The following KCNJ5 variants were observed in gnomAD, a reference collection of about 807,000 sequenced individuals.
KCNJ5 encodes the protein G protein-activated inward rectifier potassium channel 4.
Under a neutral mutation model 20.2 loss-of-function variants are expected in KCNJ5, and 12 were observed. The ratio of observed to expected loss-of-function variants is 0.59; its 90% CI spans 0.38 to 0.96. The LOEUF is 0.96. Ranked by LOEUF, KCNJ5 falls within the 40% of genes least tolerant of loss-of-function variation. The pLI, the probability that KCNJ5 is intolerant of heterozygous loss-of-function variation, is 0.00. For synonymous variants in KCNJ5, 210 were observed against 213.9 expected (o/e 0.98, Z 0.16); for missense variants, 449 against 557.6 (o/e 0.81, Z 1.96).
intron 1 of KCNJ5, chr11:128,905,587 CG>C (rs1447377764): frequency 6.6e-6 from 1 of 152,560 alleles, no homozygotes; most frequent in African/African-American, 2.4e-5. Flanking sequence ...CAAGAGATGG[CG>C]GGGTGGCGGG....
chr11:128,896,653 C>T (rs1174706045), intron 1 of KCNJ5, among the ~76,000 whole-genome samples: 2 of 151,420 alleles, frequency 1.3e-5, no homozygotes, highest in Non-Finnish European at 1.5e-5. Context: ...TGCTGAGTAG[C>T]GGGAATGTAC....
chr11:128,913,600 G>T (rs1468648078), intron 2 of KCNJ5, among the ~76,000 whole-genome samples: 4 of 146,816 alleles, frequency 2.7e-5, no homozygotes, highest in African/African-American at 1.0e-4. Context: ...TTTCAACCAG[G>T]TACAATGAGC....
rs746793322 is a variant in KCNJ5 at position 128,911,328 on chromosome 11, C to T, written c.55C>T (p.Pro19Ser). 2.5e-6 allele frequency: 4 copies of T among 1,614,174 alleles called. No homozygotes were observed. In the South Asian group the frequency reaches 4.4e-5, roughly 18 times the overall value. ...CCAGGACATGGAGATTGGAGTCACT[C>T]CCTGGGACCCCAAGAAGATTCCAAA... ...MNQDMEIGVT[P>S]WDPKKIPKQA... is the part of the protein sequence containing the mutation. Residue 19 changes from proline to serine, a missense_variant, in exon 2 of 3, where the codon CCC (proline) becomes TCC (serine). This residue lies in a region of KCNJ5 where 203 missense variants were observed against 258.0 expected (regional missense o/e 0.79). Coordinates refer to ENST00000529694, the MANE Select transcript of KCNJ5 (RefSeq NM_000890.5). The surrounding 1 kb of genome is among the most constrained non-coding windows in gnomAD (Gnocchi z 6.3).
chr11:128,892,386 C>T (rs1944108229), intron 1 of KCNJ5, among the ~76,000 whole-genome samples: 1 of 152,190 alleles, frequency 6.6e-6, no homozygotes, highest in Non-Finnish European at 1.5e-5. Flanking sequence ...TGTTGGCCCC[C>T]TGGTTTTATC....
At position 128,916,631 on chromosome 11, in the gene KCNJ5, G is replaced by A. The variant is rs761157803; in HGVS notation, c.1160G>A (p.Gly387Glu). The A allele has an allele frequency of 3.7e-6, 6 of 1,613,820 alleles. No individual in the cohort carries two copies. The highest frequency in any genetic ancestry group is 2.2e-5 in the South Asian group (2 of 91,078). Reference protein sequence around the residue: ...LQYLPSPPLLGGCAEAGLDAE... With the variant: ...LQYLPSPPLLEGCAEAGLDAE... ...TACCTCCCCAGCCCCCCACTGCTGG[G>A]GGGCTGTGCTGAGGCAGGGCTGGAT... The change falls in exon 3 of 3, where the codon GGG (glycine) becomes GAG (glutamate). Residue 387 changes from glycine to glutamate, a missense_variant. By Grantham distance (98) the Gly-to-Glu change is moderately conservative. Transcript: ENST00000529694.
intron 1 of KCNJ5, among the ~76,000 whole-genome samples, chr11:128,895,630 T>C (rs1020038108): frequency 6.6e-6 from 1 of 152,248 alleles, no homozygotes; most frequent in Admixed American, 6.5e-5. Flanking sequence ...AGGGAGCTCC[T>C]AACACAGGCC....
At position 128,911,785 on chromosome 11, in the gene KCNJ5, A is replaced by C. The variant is rs770128286; in HGVS notation, c.512A>C (p.Gln171Pro). 1 of 1,614,218 alleles carries C rather than the reference A, an allele frequency of 6.2e-7. No individual in the cohort carries two copies. Among genetic ancestry groups the C allele is most frequent in the Non-Finnish European group, 8.5e-7 (1 of 1,180,040 alleles). ...GAGGGGATTATACTCCTCTTGGTCCAGGCCATCCTGGGCTCCATCGTCAAT... is the reference window on the plus strand; with the variant it reads ...GAGGGGATTATACTCCTCTTGGTCCCGGCCATCCTGGGCTCCATCGTCAAT... ...CPEGIILLLV[Q>P]AILGSIVNAF... is the part of the protein sequence containing the mutation. Residue 171 changes from glutamine to proline, a missense_variant, in exon 2 of 3, where the codon CAG becomes CCG. Physicochemically the swap from Gln to Pro is moderately conservative, Grantham distance 76 (BLOSUM62 -1). Coordinates refer to ENST00000529694, the MANE Select transcript of KCNJ5 (RefSeq NM_000890.5). The surrounding 1 kb of genome is among the most constrained non-coding windows in gnomAD (Gnocchi z 6.3).
intron 1 of KCNJ5, among the ~76,000 whole-genome samples, chr11:128,909,407 C>T (rs1385062364): frequency 6.6e-6 from 1 of 152,236 alleles, no homozygotes; most frequent in African/African-American, 2.4e-5. Flanking sequence ...AAGAAGAAAT[C>T]ACCAAGTTCC....
Position 128,912,313 on chromosome 11 carries a change from G to A in KCNJ5, c.937+103G>A, listed in dbSNP as rs118097936. ...GCAGGTCTGTGCCTGAGAGTCCTGG[G>A]GTGGCGCAGGCAACACATTCAATCC... On this transcript the variant is annotated intron_variant, in intron 2 of 2. Coordinates refer to ENST00000529694, the MANE Select transcript of KCNJ5 (RefSeq NM_000890.5). 1,484 of 939,434 alleles carry A rather than the reference G, an allele frequency of 1.6e-3. 12 individuals are homozygous for A. The East Asian group carries it at 0.016, about 10-fold the overall frequency. The allele number at this position is 939,434 out of a possible 1,614,324, so 58.2% of individuals were successfully genotyped here.
chr11:128,905,827 C>G (rs1218492651), intron 1 of KCNJ5: 1 of 152,222 alleles, frequency 6.6e-6, no homozygotes. Context: ...CTAGGCATGC[C>G]CTCATCTAGA....
intron 2 of KCNJ5, 22 bp downstream of exon 2, chr11:128,912,232 A>G: frequency 6.3e-7 from 1 of 1,580,408 alleles, no homozygotes; most frequent in Non-Finnish European, 8.6e-7. Flanking sequence ...TGTCCTCCTC[A>G]GCCACAGGTG....
At position 128,916,588 on chromosome 11, in the gene KCNJ5, G is replaced by A; in HGVS notation, c.1117G>A (p.Glu373Lys). ...CAKELAEMKR[E>K]GRLLQYLPSP... is the part of the protein sequence containing the mutation. ...CAAGGAGCTGGCAGAAATGAAGAGG[G>A]AAGGCCGGCTCCTCCAGTACCTCCC... Residue 373 changes from glutamate to lysine, a missense_variant, in exon 3 of 3, where the codon GAA becomes AAA. Glu to Lys is a moderately conservative substitution (Grantham distance 56). Coordinates refer to ENST00000529694, the MANE Select transcript of KCNJ5 (RefSeq NM_000890.5). 6.2e-7 allele frequency: 1 copy of A among 1,614,096 alleles called. No individual in the cohort carries two copies. Among genetic ancestry groups the A allele is most frequent in the South Asian group, 1.1e-5 (1 of 91,076 alleles).
At chr11:128,905,945 C>G (rs1944405321) in intron 1 of KCNJ5, 1 of 152,170 alleles carries the variant, frequency 6.6e-6, no homozygotes, top group Admixed American at 6.5e-5. Context: ...GATAATGCCT[C>G]TCTCCCGGGA....
chr11:128,891,433 C>CAGAGAGAGAG lies in KCNJ5; in HGVS notation c.-298_-297insGAGAGAGAGA, dbSNP rs1286900771. ...ACACACACACACACACACACACACA[C>CAGAGAGAGAG]ACACACACAGAGAGAGAGAGAGAGA... On this transcript the variant is annotated 5_prime_UTR_variant, in exon 1 of 3. Coordinates refer to ENST00000529694, the MANE Select transcript of KCNJ5 (RefSeq NM_000890.5). 142 of 88,300 alleles carry CAGAGAGAGAG rather than the reference C, an allele frequency of 1.6e-3. 1 individual carries two copies. Among genetic ancestry groups the CAGAGAGAGAG allele is most frequent in the South Asian group, 9.1e-3 (20 of 2,186 alleles). The allele number at this position is 88,300 out of a possible 1,614,324, so 5.5% of individuals were successfully genotyped here.
At position 128,912,221 on chromosome 11, in the gene KCNJ5, T is replaced by C. The variant is rs377403858; in HGVS notation, c.937+11T>C. 3 of 1,595,750 alleles carry C rather than the reference T, an allele frequency of 1.9e-6. No homozygotes were observed. The highest frequency in any genetic ancestry group is 2.6e-6 in the Non-Finnish European group (3 of 1,176,330). ...TGGTGGAAGCCACAGGTAAGGCGCT[T>C]TGTCCTCCTCAGCCACAGGTGGCCC... is the stretch of plus-strand genomic sequence containing the variant. On this transcript the variant is annotated intron_variant, in intron 2 of 2. Transcript: ENST00000529694.
intron 1 of KCNJ5, among the ~76,000 whole-genome samples, chr11:128,893,621 C>T (rs1386433065): frequency 6.6e-6 from 1 of 152,138 alleles, no homozygotes; most frequent in Non-Finnish European, 1.5e-5. Context: ...GCCGGCATTA[C>T]TCACAGGCAG....
At position 128,903,259 on chromosome 11, in the gene KCNJ5, G is replaced by C; in HGVS notation, c.-10-8005G>C. 4.7e-6 allele frequency: 6 copies of C among 1,265,290 alleles called. No individual in the cohort carries two copies. The South Asian group carries it at 8.7e-5, about 18-fold the overall frequency. The allele number at this position is 1,265,290 out of a possible 1,614,324, so 78.4% of individuals were successfully genotyped here. Reference sequence around the variant, plus strand: ...TCAAAATATGAAAATGAAGCTCTAAGACATCCCATTTAAATAAAAATAGGA... The same window carrying C: ...TCAAAATATGAAAATGAAGCTCTAACACATCCCATTTAAATAAAAATAGGA... On this transcript the variant is annotated intron_variant, in intron 1 of 2. Coordinates refer to ENST00000529694, the MANE Select transcript of KCNJ5 (RefSeq NM_000890.5).
chr11:128,908,933 A>C (rs1018029808), intron 1 of KCNJ5, among the ~76,000 whole-genome samples: 1 of 152,196 alleles, frequency 6.6e-6, no homozygotes, highest in Non-Finnish European at 1.5e-5. Flanking sequence ...CTCCCACTTA[A>C]GGCAGAGCAA....
At chr11:128,894,882 A>C (rs1444420111) in intron 1 of KCNJ5, among the ~76,000 whole-genome samples, 1 of 152,206 alleles carries the variant, frequency 6.6e-6, no homozygotes, top group Non-Finnish European at 1.5e-5. Context: ...AGCCGTGCTA[A>C]GTTAAATGGT....
Sources: gnomAD v4.1 joint callset for allele counts (sites outside exome capture counted in the v4.1 genomes callset) on GRCh38, gnomAD v4.1.1 for gene constraint, gnomAD v4.1.1 regional missense constraint, Gnocchi (gnomAD v3.1) non-coding constraint, MANE v1.5 for transcripts, NCBI Gene and HGNC (gene_info 2026-07-23, HGNC 2026-07-21) for gene names.